Variants in JAKMIP3 observed in about 807,000 individuals in gnomAD.
The protein encoded by JAKMIP3 is janus kinase and microtubule-interacting protein 3.
A neutral mutation model predicts 118.5 loss-of-function variants in JAKMIP3; 58 were observed. The ratio of observed to expected loss-of-function variants is 0.49; its 90% CI spans 0.40 to 0.61. The LOEUF is 0.61. JAKMIP3 is among the 20% of genes least tolerant of loss of function. The pLI is 0.00. For synonymous variants in JAKMIP3, 486 were observed against 451.2 expected (o/e 1.08, Z -0.98); for missense variants, 950 against 1,109.0 (o/e 0.86, Z 2.04).
At chr10:132,148,227 G>A (rs760094707) in intron 14 of JAKMIP3, among the ~76,000 whole-genome samples, 177 bp downstream of exon 14, 3 of 152,158 alleles carry the variant, frequency 2.0e-5, no homozygotes, top group South Asian at 2.1e-4. Flanking sequence ...CATACCGGCC[G>A]TCCAAACATC....
intron 11 of JAKMIP3, 65 bp from the exon 12 acceptor site, chr10:132,145,042 A>AGT: frequency 7.4e-7 from 1 of 1,353,508 alleles, no homozygotes; most frequent in Non-Finnish European, 1.0e-6. Context: ...ACGTCCCACG[A>AGT]GTGTGTGTGC....
At chr10:132,097,937 CT>C (rs1564892866) in intron 1 of JAKMIP3, among the ~76,000 whole-genome samples, 1 of 32,794 alleles carries the variant, frequency 3.0e-5, no homozygotes, top group East Asian at 1.4e-3. Context: ...TCCCCTTCCC[CT>C]TTCCCTTTCC....
intron 16 of JAKMIP3, among the ~76,000 whole-genome samples, chr10:132,152,543 C>T (rs1159241227): frequency 6.6e-6 from 1 of 152,232 alleles, no homozygotes; most frequent in African/African-American, 2.4e-5. Flanking sequence ...GTCTCTCCTC[C>T]ACTGTTCCCA....
chr10:132,140,232 C>T (rs539139748), intron 9 of JAKMIP3, among the ~76,000 whole-genome samples: 9 of 152,248 alleles, frequency 5.9e-5, no homozygotes, highest in Non-Finnish European at 1.2e-4. Context: ...CCCGCTCACC[C>T]ACGGGACTCC....
chr10:132,102,276 G>A (rs1223151882), intron 1 of JAKMIP3, among the ~76,000 whole-genome samples: 2 of 152,150 alleles, frequency 1.3e-5, no homozygotes, highest in Non-Finnish European at 2.9e-5. Context: ...AGTGCGCCGG[G>A]CCCGGCGAGC....
chr10:132,105,188 C>T (rs1183308810), intron 2 of JAKMIP3, among the ~76,000 whole-genome samples: 1 of 152,248 alleles, frequency 6.6e-6, no homozygotes, highest in Non-Finnish European at 1.5e-5. Flanking sequence ...AAATTATCCT[C>T]TGCTGCATGG....
intron 1 of JAKMIP3, among the ~76,000 whole-genome samples, chr10:132,095,149 C>T (rs1339620923): frequency 6.6e-6 from 1 of 152,210 alleles, no homozygotes; most frequent in Non-Finnish European, 1.5e-5. Flanking sequence ...CCCAGGCTAC[C>T]TGCCTCCCAG....
chr10:132,064,107 T>G (rs1203305398), upstream of JAKMIP3, among the ~76,000 whole-genome samples: 1 of 152,216 alleles, frequency 6.6e-6, no homozygotes, highest in Non-Finnish European at 1.5e-5. This position sits in a 1 kb window ranked among gnomAD's most constrained non-coding sequence, Gnocchi z 4.4. Flanking sequence ...TTTGGACGTA[T>G]GTGCGTTTCC....
chr10:132,066,148 T>C (rs2038733162), intron 1 of JAKMIP3, among the ~76,000 whole-genome samples, 87 bp downstream of exon 1: 1 of 152,192 alleles, frequency 6.6e-6, no homozygotes. Context: ...CTGGTGCTCT[T>C]CTGTATTTAG....
intron 2 of JAKMIP3, among the ~76,000 whole-genome samples, chr10:132,111,352 C>A (rs868543168): frequency 3.3e-5 from 5 of 151,704 alleles, no homozygotes; most frequent in Non-Finnish European, 7.4e-5. Context: ...AGCAGAGACC[C>A]CCCCCATGAG....
chr10:132,141,383 G>T (rs951717169), intron 10 of JAKMIP3, among the ~76,000 whole-genome samples: 1 of 152,152 alleles, frequency 6.6e-6, no homozygotes, highest in East Asian at 1.9e-4. Context: ...GCAGCAGCAG[G>T]CTCACCTGTC....
At chr10:132,053,615 C>T (rs1590008638) in intron 1 of JAKMIP3, among the ~76,000 whole-genome samples, 1 of 152,214 alleles carries the variant, frequency 6.6e-6, no homozygotes, top group South Asian at 2.1e-4. Flanking sequence ...CCCCAACCAA[C>T]CCTAACCTAA....
Position 132,138,418 on chromosome 10 carries a change from G to A in JAKMIP3, c.1344+240G>A, listed in dbSNP as rs116137498. Among the ~76,000 whole-genome samples, 1,275 of 147,126 alleles carry A rather than the reference G, an allele frequency of 8.7e-3. 16 individuals are homozygous for A. Among genetic ancestry groups the A allele is most frequent in the African/African-American group, 0.029 (1,127 of 39,496 alleles). ...GCCGGGTGTGTGCGGAGAGGGGTGC[G>A]CCGGTGTATGTGGAGGGCGCTGGGT... On this transcript the variant is annotated intron_variant, in intron 9 of 23. Coordinates refer to ENST00000684848, the MANE Select transcript of JAKMIP3 (RefSeq NM_001323087.2).
intron 2 of JAKMIP3, among the ~76,000 whole-genome samples, chr10:132,105,683 A>C (rs924460195): frequency 6.6e-6 from 1 of 152,180 alleles, no homozygotes; most frequent in Non-Finnish European, 1.5e-5. Flanking sequence ...GGAGCCATTA[A>C]GAAGTGTGCC....
intron 2 of JAKMIP3, among the ~76,000 whole-genome samples, chr10:132,113,601 T>C (rs772990507): frequency 2.6e-5 from 4 of 152,224 alleles, no homozygotes; most frequent in African/African-American, 7.2e-5. Flanking sequence ...TTCCTCATCA[T>C]AGGGCTAAGA....
intron 23 of JAKMIP3, among the ~76,000 whole-genome samples, chr10:132,181,012 C>T (rs114643906): frequency 0.016 from 2,428 of 151,046 alleles, 64 homozygotes; most frequent in African/African-American, 0.056. Context: ...CATGCATGTG[C>T]AGTGTGTATG....
chr10:132,043,149 T>G (rs913183696), intron 1 of JAKMIP3, among the ~76,000 whole-genome samples: 3 of 152,192 alleles, frequency 2.0e-5, no homozygotes, highest in Non-Finnish European at 4.4e-5. Flanking sequence ...TATTTCTGAA[T>G]GTGGCTGTGT....
intron 23 of JAKMIP3, among the ~76,000 whole-genome samples, chr10:132,180,622 T>TGCGCGC (rs1272267258): frequency 4.6e-5 from 2 of 43,038 alleles, no homozygotes; most frequent in East Asian, 3.6e-3. Flanking sequence ...TGTGCGTGTG[T>TGCGCGC]GTGCGTGTGT....
intron 3 of JAKMIP3, among the ~76,000 whole-genome samples, chr10:132,120,331 G>T (rs922484038): frequency 6.6e-6 from 1 of 152,144 alleles, no homozygotes; most frequent in African/African-American, 2.4e-5. Flanking sequence ...GATTGGCTGG[G>T]GGCTCACATC....
Sources: allele counts gnomAD v4.1 joint callset (sites outside exome capture counted in the v4.1 genomes callset), GRCh38; gene constraint gnomAD v4.1.1; non-coding constraint Gnocchi (gnomAD v3.1); transcripts MANE v1.5; gene names NCBI Gene and HGNC (gene_info 2026-07-23, HGNC 2026-07-21).